The following BDH1 variants were observed in gnomAD, a reference collection of about 807,000 sequenced individuals.
BDH1 encodes D-beta-hydroxybutyrate dehydrogenase, mitochondrial.
Under a neutral mutation model 33.1 loss-of-function variants are expected in BDH1, and 30 were observed. That is an observed-to-expected ratio of 0.91 (90% confidence interval 0.68 to 1.23). The LOEUF is 1.23. Ranked by LOEUF, BDH1 falls within the 50% of genes most tolerant of loss-of-function variation. The pLI is 0.00. For synonymous variants in BDH1, 190 were observed against 183.6 expected (o/e 1.03, Z -0.28); for missense variants, 443 against 464.4 (o/e 0.95, Z 0.42).
In BDH1 at chr3:197,510,308, A is replaced by C. The variant is rs1209293370; in HGVS notation, c.*1587T>G. On this transcript the variant is annotated 3_prime_UTR_variant, in exon 8 of 8. Coordinates refer to ENST00000392379, the MANE Select transcript of BDH1 (RefSeq NM_203314.3). ...CGCTGGAGGCCGGCGCCGGCTGCGG[A>C]GGAGGAGCGCCCTCTAGCGGCAGGT... 1 of 152,254 alleles carries C rather than the reference A, an allele frequency of 6.6e-6. No homozygotes were observed. Among genetic ancestry groups the C allele is most frequent in the Non-Finnish European group, 1.5e-5 (1 of 68,104 alleles). The allele number at this position is 152,254 out of a possible 1,614,324, so 9.4% of individuals were successfully genotyped here.
At chr3:197,558,377 T>C (rs1717146259), upstream of BDH1, among the ~76,000 whole-genome samples, 1 of 152,238 alleles carries the variant, frequency 6.6e-6, no homozygotes, top group African/African-American at 2.4e-5. Flanking sequence ...AAAAATACTC[T>C]GCTCTTCCAG....
rs1711906184 is a variant in BDH1 at position 197,510,684 on chromosome 3, G to GGGGGT, written c.*1210_*1211insACCCC. ...TGTGTGTGTGTGTACATGTGTGTAA[G>GGGGGT]GTGTGTGTGTGTGTGTGTGTGTGTG... is the stretch of plus-strand genomic sequence containing the variant. On this transcript the variant is annotated 3_prime_UTR_variant, in exon 8 of 8. Coordinates refer to ENST00000392379, the MANE Select transcript of BDH1 (RefSeq NM_203314.3). 1 of 58,708 alleles carries GGGGGT rather than the reference G, an allele frequency of 1.7e-5. No homozygotes were observed. The highest frequency in any genetic ancestry group is 1.8e-4 in the Admixed American group (1 of 5,656). The allele number at this position is 58,708 out of a possible 1,614,324, so 3.6% of individuals were successfully genotyped here.
chr3:197,537,661 C>G (rs73083795), intron 3 of BDH1, among the ~76,000 whole-genome samples: 1 of 152,246 alleles, frequency 6.6e-6, no homozygotes, highest in East Asian at 1.9e-4. Context: ...TGGTGTTTAC[C>G]CTTTATCAAG....
intron 2 of BDH1, among the ~76,000 whole-genome samples, chr3:197,552,859 G>T (rs965934246): frequency 6.6e-6 from 1 of 152,068 alleles, no homozygotes; most frequent in African/African-American, 2.4e-5. Context: ...TGTCTGTTTT[G>T]TTCACTGTTG....
Position 197,514,123 on chromosome 3 carries a change from C to T in BDH1, c.562+141G>A. ...CCTCTGCCCACCATCACCCCAGGCC[C>T]AGCATAGTCCCTGGGATTCACGAGC... On this transcript the variant is annotated intron_variant, in intron 7 of 7. Transcript: ENST00000392379. The surrounding 1 kb of genome is among the most constrained non-coding windows in gnomAD (Gnocchi z 4.2). 8.4e-7 allele frequency: 1 copy of T among 1,190,612 alleles called. No individual in the cohort carries two copies. Among genetic ancestry groups the T allele is most frequent in the Non-Finnish European group, 1.1e-6 (1 of 874,292 alleles). 73.8% of individuals were successfully genotyped at this position (1,190,612 alleles called of 1,614,324 possible).
At position 197,536,550 on chromosome 3, in the gene BDH1, C is replaced by T. The variant is rs890899769; in HGVS notation, c.84-2989G>A. Among the ~76,000 whole-genome samples the T allele has an allele frequency of 2.0e-5, 3 of 152,152 alleles. 1 individual carries two copies. The highest frequency in any genetic ancestry group is 4.2e-4 in the South Asian group (2 of 4,816). On this transcript the variant is annotated intron_variant, in intron 3 of 7. Transcript: ENST00000392379. The stretch of plus-strand genomic sequence containing the variant: ...GTTGTGTCGTTTTCAGCATTTAAAC[C>T]ATACATGCGGCCGGGCATGGTGGGT...
rs1714155711 is a variant in BDH1, at chr3:197,526,926, A to G, written c.268-4145T>C. ...TCCAGAAGCTCTCCAAGGCATTCAT[A>G]TGAAGCCCACCTCATTTTACTTGCC... On this transcript the variant is annotated intron_variant, in intron 5 of 7. Transcript: ENST00000392379. This position sits in a 1 kb window ranked among gnomAD's most constrained non-coding sequence, Gnocchi z 4.7. Among the ~76,000 whole-genome samples, 1 of 152,212 alleles carries G rather than the reference A, an allele frequency of 6.6e-6. No homozygotes were observed.
intron 2 of BDH1, among the ~76,000 whole-genome samples, chr3:197,547,410 C>T (rs2108759488): frequency 6.6e-6 from 1 of 152,344 alleles, no homozygotes; most frequent in South Asian, 2.1e-4. Flanking sequence ...CTGTTTGCTG[C>T]CACCCCAAAC....
rs1335227821 is a variant in BDH1, at chr3:197,520,278, A to T, written c.409+2362T>A. ...TTTTCTTCAGACCTAAAAGTCTTCA[A>T]ATCCTTTTCCAAAAAAAAAAAATGC... is the stretch of plus-strand genomic sequence containing the variant. On this transcript the variant is annotated intron_variant, in intron 6 of 7. Coordinates refer to ENST00000392379, the MANE Select transcript of BDH1 (RefSeq NM_203314.3). This position sits in a 1 kb window ranked among gnomAD's most constrained non-coding sequence, Gnocchi z 6.0. Among the ~76,000 whole-genome samples, 1 of 152,160 alleles carries T rather than the reference A, an allele frequency of 6.6e-6. No homozygotes were observed. Among genetic ancestry groups the T allele is most frequent in the African/African-American group, 2.4e-5 (1 of 41,452 alleles).
Position 197,532,536 on chromosome 3 carries a change from T to A in BDH1, c.157-14A>T, listed in dbSNP as rs768257000. Reference sequence around the variant, plus strand: ...TTTGCTGCCAACCTGTTTTACAAGGTCAGATTCCATGTTAGGAACCGGTGG... The same window carrying A: ...TTTGCTGCCAACCTGTTTTACAAGGACAGATTCCATGTTAGGAACCGGTGG... On this transcript the variant is annotated splice_polypyrimidine_tract_variant and intron_variant, in intron 4 of 7. Transcript: ENST00000392379. 2.7e-5 allele frequency: 43 copies of A among 1,603,982 alleles called. No individual in the cohort carries two copies. Among genetic ancestry groups the A allele is most frequent in the Non-Finnish European group, 3.6e-5 (42 of 1,171,008 alleles).
intron 3 of BDH1, among the ~76,000 whole-genome samples, chr3:197,543,439 A>T (rs1715824267): frequency 6.6e-6 from 1 of 152,232 alleles, no homozygotes; most frequent in Admixed American, 6.5e-5. Context: ...AGCACTGGTG[A>T]TCACAGCCCA....
rs942288554 is a variant in BDH1 at position 197,523,087 on chromosome 3, G to A, written c.268-306C>T. 4 of 382,130 alleles carry A rather than the reference G, an allele frequency of 1.0e-5. No individual in the cohort carries two copies. The highest frequency in any genetic ancestry group is 4.4e-5 in the East Asian group (1 of 22,590). 23.7% of individuals were successfully genotyped at this position (382,130 alleles called of 1,614,324 possible). On this transcript the variant is annotated intron_variant, in intron 5 of 7. Transcript: ENST00000392379. This position sits in a 1 kb window ranked among gnomAD's most constrained non-coding sequence, Gnocchi z 4.5. ...GCAAACTTATGTGGGGCAGGCGGGGGCCCTGGGGAGTACAGGACATGTCAG... is the reference window on the plus strand; with the variant it reads ...GCAAACTTATGTGGGGCAGGCGGGGACCCTGGGGAGTACAGGACATGTCAG...
intron 1 of BDH1, among the ~76,000 whole-genome samples, chr3:197,562,915 C>T (rs1717314303): frequency 6.6e-6 from 1 of 152,110 alleles, no homozygotes; most frequent in Non-Finnish European, 1.5e-5. Context: ...GGAAAAAGAG[C>T]CCTAAGGTCA....
chr3:197,513,517 C>T (rs1712338089), intron 7 of BDH1, among the ~76,000 whole-genome samples: 1 of 151,636 alleles, frequency 6.6e-6, no homozygotes, highest in Admixed American at 6.6e-5. Flanking sequence ...AGGTGTGTCC[C>T]CGGGAGGGCA....
At chr3:197,513,813 TG>T (rs1407146829) in intron 7 of BDH1, among the ~76,000 whole-genome samples, 1 of 152,248 alleles carries the variant, frequency 6.6e-6, no homozygotes, top group Non-Finnish European at 1.5e-5. Context: ...GGTGTTTTGT[TG>T]GTTTTCCAAA....
At chr3:197,529,822 A>G (rs1714475884) in intron 5 of BDH1, 1 of 152,218 alleles carries the variant, frequency 6.6e-6, no homozygotes, top group Non-Finnish European at 1.5e-5. Context: ...TCAACATAGT[A>G]TGGGAAATTC....
At chr3:197,566,919 G>C (rs2108776591) in intron 1 of BDH1, among the ~76,000 whole-genome samples, 1 of 152,262 alleles carries the variant, frequency 6.6e-6, no homozygotes, top group East Asian at 1.9e-4. Flanking sequence ...ACTGAAGCTA[G>C]ACAACCTTCA....
intron 2 of BDH1, among the ~76,000 whole-genome samples, chr3:197,549,684 C>T (rs910595896): frequency 4.6e-5 from 7 of 152,328 alleles, no homozygotes; most frequent in South Asian, 4.1e-4. Flanking sequence ...ATGCAGAGAC[C>T]TCACACTGAA....
intron 1 of BDH1, among the ~76,000 whole-genome samples, chr3:197,564,476 C>A (rs547876995): frequency 6.6e-6 from 1 of 152,114 alleles, no homozygotes; most frequent in East Asian, 1.9e-4. Flanking sequence ...AGTTACAGGG[C>A]TTTGACTCCT....
Sources: gnomAD v4.1 joint callset for allele counts (sites outside exome capture counted in the v4.1 genomes callset) on GRCh38, gnomAD v4.1.1 for gene constraint, Gnocchi (gnomAD v3.1) non-coding constraint, MANE v1.5 for transcripts, NCBI Gene and HGNC (gene_info 2026-07-23, HGNC 2026-07-21) for gene names.